The following EPHB1 variants were observed in gnomAD, a reference collection of about 807,000 sequenced individuals.
The protein encoded by EPHB1 is ephrin type-B receptor 1.
Under a neutral mutation model 94.4 loss-of-function variants are expected in EPHB1, and 30 were observed. That is an observed-to-expected ratio of 0.32 (90% confidence interval 0.24 to 0.43). The LOEUF (loss-of-function observed/expected upper bound fraction) is 0.43, where lower values mean the gene tolerates loss of function less well. Among genes scored for constraint, EPHB1 ranks in the 20% least tolerant of loss-of-function variants. The pLI, the probability that EPHB1 is intolerant of heterozygous loss-of-function variation, is 1.00. For missense variants in EPHB1, 1,055 were observed against 1,308.3 expected (o/e 0.81, Z 2.99); for synonymous variants, 522 against 489.1 (o/e 1.07, Z -0.89).
At chr3:134,848,351 A>C (rs2036916379) in intron 1 of EPHB1, among the ~76,000 whole-genome samples, 1 of 152,244 alleles carries the variant, frequency 6.6e-6, no homozygotes, top group African/African-American at 2.4e-5. Flanking sequence ...GAGCAATTTT[A>C]ATAAACATTT....
intron 1 of EPHB1, among the ~76,000 whole-genome samples, chr3:134,816,249 A>AT (rs1431725425): frequency 6.6e-6 from 1 of 151,226 alleles, no homozygotes; most frequent in South Asian, 2.1e-4. Context: ...CAGCCAGCTA[A>AT]TTTTTTTGTT....
intron 2 of EPHB1, among the ~76,000 whole-genome samples, chr3:134,950,273 A>G (rs1284698562): frequency 1.3e-5 from 2 of 152,200 alleles, no homozygotes; most frequent in Non-Finnish European, 2.9e-5. Flanking sequence ...AGAAAGTTTC[A>G]TTATTCACTA....
intron 1 of EPHB1, among the ~76,000 whole-genome samples, chr3:134,805,635 T>G (rs2036029202): frequency 6.6e-6 from 1 of 152,184 alleles, no homozygotes; most frequent in Admixed American, 6.5e-5. Flanking sequence ...CAGCTGCACA[T>G]GCCCTGGGCA....
chr3:135,080,492 G>C (rs769773738), intron 3 of EPHB1, among the ~76,000 whole-genome samples: 2 of 152,124 alleles, frequency 1.3e-5, no homozygotes, highest in African/African-American at 2.4e-5. Context: ...TACCCCTGGG[G>C]ACACTTGGGG....
chr3:135,067,577 G>C (rs984309164), intron 3 of EPHB1: 11 of 152,426 alleles, frequency 7.2e-5, no homozygotes, highest in African/African-American at 2.6e-4. Context: ...TTTCCAGGCA[G>C]TGGGCAAGGA....
At chr3:135,136,789 G>T (rs1399356033) in intron 5 of EPHB1, among the ~76,000 whole-genome samples, 1 of 152,138 alleles carries the variant, frequency 6.6e-6, no homozygotes. Flanking sequence ...CATCATCTTT[G>T]GTCAGGATTG....
At chr3:134,881,248 G>A (rs1038433383) in intron 1 of EPHB1, among the ~76,000 whole-genome samples, 1 of 152,180 alleles carries the variant, frequency 6.6e-6, no homozygotes, top group African/African-American at 2.4e-5. Flanking sequence ...TCTGTGGGAA[G>A]TGTAGGTGTG....
intron 1 of EPHB1, among the ~76,000 whole-genome samples, chr3:134,805,986 T>C (rs375237561): frequency 6.6e-6 from 1 of 152,038 alleles, no homozygotes; most frequent in Non-Finnish European, 1.5e-5. Context: ...TGTCATGGCA[T>C]CCCCAGCACA....
At chr3:134,963,195 C>T (rs979403708) in intron 3 of EPHB1, among the ~76,000 whole-genome samples, 2 of 135,082 alleles carry the variant, frequency 1.5e-5, no homozygotes, top group African/African-American at 5.6e-5. Context: ...CTTCCTTCTT[C>T]TTCTGTACTT....
At chr3:135,102,396 A>T (rs7373775) in intron 3 of EPHB1, among the ~76,000 whole-genome samples, 1 of 152,104 alleles carries the variant, frequency 6.6e-6, no homozygotes, top group African/African-American at 2.4e-5. Flanking sequence ...TTATTTATCA[A>T]CCCAAGTTAA....
At chr3:135,235,022 G>T (rs1035055734) in intron 12 of EPHB1, among the ~76,000 whole-genome samples, 2 of 152,222 alleles carry the variant, frequency 1.3e-5, no homozygotes, top group Non-Finnish European at 2.9e-5. Context: ...TCCATACCTG[G>T]AAGGTCTAGC....
chr3:135,248,380 A>C lies in EPHB1; in HGVS notation c.2561A>C (p.His854Pro). ...CCCATGGACTGTCCAGCTGCTCTAC[A>C]CCAGCTCATGCTGGACTGTTGGCAG... ...PPPMDCPAAL[H>P]QLMLDCWQKD... is the part of the protein sequence containing the mutation. The change falls in exon 14 of 16, where the codon CAC becomes CCC. Residue 854 changes from histidine to proline, a missense_variant. Transcript: ENST00000398015. The C allele has an allele frequency of 6.2e-7, 1 of 1,613,560 alleles. No individual in the cohort carries two copies. Among genetic ancestry groups the C allele is most frequent in the Non-Finnish European group, 8.5e-7 (1 of 1,179,602 alleles).
rs914243238 is a variant in EPHB1 at position 135,023,623 on chromosome 3, G to T, written c.805+71571G>T. 5.5e-4 allele frequency among the ~76,000 whole-genome samples: 84 copies of T among 152,138 alleles called. 1 individual carries two copies. Among genetic ancestry groups the T allele is most frequent in the African/African-American group, 2.0e-3 (83 of 41,418 alleles). ...ATTTCCACTATTTTATTTCAAGTTT[G>T]CTCTGTTTCAGGCAAAAATCCATTT... On this transcript the variant is annotated intron_variant, in intron 3 of 15. Transcript: ENST00000398015.
intron 5 of EPHB1, among the ~76,000 whole-genome samples, chr3:135,134,380 T>A (rs1940536398): frequency 1.3e-5 from 2 of 152,186 alleles, no homozygotes; most frequent in South Asian, 4.1e-4. Flanking sequence ...ATCTTAGGCA[T>A]CTTTGATGGC....
chr3:135,134,183 T>G (rs1940529058), intron 5 of EPHB1, among the ~76,000 whole-genome samples: 1 of 152,214 alleles, frequency 6.6e-6, no homozygotes, highest in African/African-American at 2.4e-5. Context: ...TATTTGGAAT[T>G]ATAGATTTTT....
intron 1 of EPHB1, among the ~76,000 whole-genome samples, chr3:134,897,633 G>A (rs571698339): frequency 4.6e-4 from 70 of 152,252 alleles, no homozygotes; most frequent in Admixed American, 2.6e-3. Context: ...GCCAGCCCCC[G>A]TCATTCCCTT....
chr3:135,237,243 G>A (rs6782633), intron 12 of EPHB1, among the ~76,000 whole-genome samples: 15,617 of 150,758 alleles, frequency 0.1, 1,371 homozygotes, highest in African/African-American at 0.23. Flanking sequence ...GGATTAATTC[G>A]CTGCCAGATA....
chr3:134,963,577 C>G (rs552903405), intron 3 of EPHB1, among the ~76,000 whole-genome samples: 3 of 152,270 alleles, frequency 2.0e-5, no homozygotes, highest in Admixed American at 6.5e-5. Flanking sequence ...TCTGCATTAA[C>G]TCTTAAATCC....
intron 3 of EPHB1, among the ~76,000 whole-genome samples, chr3:135,050,430 C>A (rs867589492): frequency 6.6e-6 from 1 of 152,050 alleles, no homozygotes; most frequent in Admixed American, 6.5e-5. Context: ...ATATTTTTGC[C>A]ATCATATTGC....
Sources: gnomAD v4.1 joint callset for allele counts (sites outside exome capture counted in the v4.1 genomes callset) on GRCh38, gnomAD v4.1.1 for gene constraint, MANE v1.5 for transcripts, NCBI Gene and HGNC (gene_info 2026-07-23, HGNC 2026-07-21) for gene names.